The following STK33 variants were observed in gnomAD, a reference collection of about 807,000 sequenced individuals.
STK33 encodes serine/threonine kinase 33, also known as serine/threonine-protein kinase 33.
In STK33, 52 loss-of-function variants were observed where a neutral mutation model predicts 58.0. The observed-to-expected ratio is 0.90, with a 90% CI of 0.72 to 1.13. The LOEUF (loss-of-function observed/expected upper bound fraction) is 1.13, where lower values mean the gene tolerates loss of function less well. Ranked by LOEUF, STK33 falls within the 50% of genes most tolerant of loss-of-function variation. STK33 has a pLI of 0.00. For missense variants in STK33, 630 were observed against 604.2 expected, an observed-to-expected ratio of 1.04 and a Z score of -0.45; for synonymous variants, 215 against 200.1, an observed-to-expected ratio of 1.07 and a Z score of -0.63.
chr11:8,407,963 A>G (rs567559375), intron 15 of STK33, among the ~76,000 whole-genome samples: 6 of 152,326 alleles, frequency 3.9e-5, no homozygotes, highest in South Asian at 4.1e-4. Context: ...CACAATACAT[A>G]TAAGTGAAGA....
At chr11:8,470,636 T>C (rs1223352523) in intron 6 of STK33, among the ~76,000 whole-genome samples, 3 of 152,212 alleles carry the variant, frequency 2.0e-5, no homozygotes, top group Non-Finnish European at 4.4e-5. Context: ...TGGCTTTCGA[T>C]TTAAAGTGAA....
intron 1 of STK33, among the ~76,000 whole-genome samples, chr11:8,508,803 C>T (rs1348062470): frequency 6.6e-6 from 1 of 152,088 alleles, no homozygotes; most frequent in East Asian, 1.9e-4. Context: ...GAATAACCAT[C>T]AAGGTCTCAG....
At chr11:8,358,347 A>G in the STK33 span, among the ~76,000 whole-genome samples, 1 of 152,332 alleles carries the variant, frequency 6.6e-6, no homozygotes, top group South Asian at 2.1e-4. Flanking sequence ...GAAGCTGCAT[A>G]GACTCCCTTA....
intron 12 of STK33, among the ~76,000 whole-genome samples, chr11:8,439,557 C>T (rs1944456010): frequency 6.6e-6 from 1 of 151,764 alleles, no homozygotes; most frequent in African/African-American, 2.4e-5. Context: ...AAATAGAAGG[C>T]CTTAATGTTT....
chr11:8,402,102 A>C (rs1938123390), intron 15 of STK33, among the ~76,000 whole-genome samples: 3 of 152,204 alleles, frequency 2.0e-5, no homozygotes, highest in African/African-American at 4.8e-5. Flanking sequence ...TTGACCCAGC[A>C]ATCCCATTAC....
At position 8,459,815 on chromosome 11, in the gene STK33, A is replaced by T. The variant is rs964945537; in HGVS notation, c.558+1990T>A. ...AGAAATCTCCAGAGATTTGCAGAGG[A>T]TCCCCTCAATTCTTCAGGAGAGCAT... On this transcript the variant is annotated intron_variant, in intron 8 of 15. Transcript: ENST00000687296. Among the ~76,000 whole-genome samples the T allele has an allele frequency of 1.4e-4, 21 of 152,168 alleles. 1 individual carries two copies. Among genetic ancestry groups the T allele is most frequent in the Admixed American group, 3.3e-4 (5 of 15,274 alleles).
chr11:8,474,616 G>T, intron 5 of STK33, 65 bp downstream of exon 5: 1 of 1,178,442 alleles, frequency 8.5e-7, no homozygotes, highest in Non-Finnish European at 1.2e-6. Context: ...TATGGATGAA[G>T]CTAGGAGTAC....
rs138769295 is a variant in STK33, at chr11:8,472,123, T to C, written c.339+1040A>G. On this transcript the variant is annotated intron_variant, in intron 6 of 15. Coordinates refer to ENST00000687296, the MANE Select transcript of STK33 (RefSeq NM_001352389.2). ...TTAAAAATTTTTTTAGAGAAGGAGTTTTGCTATGTTGCCCAGTCTGGTCTC... is the reference window on the plus strand; with the variant it reads ...TTAAAAATTTTTTTAGAGAAGGAGTCTTGCTATGTTGCCCAGTCTGGTCTC... Among the ~76,000 whole-genome samples the C allele has an allele frequency of 2.0e-5, 3 of 152,154 alleles. No individual in the cohort carries two copies. The East Asian group carries it at 5.8e-4, about 29-fold the overall frequency.
chr11:8,413,843 C>T (rs1207734846), intron 14 of STK33, 151 bp from the exon 15 acceptor site: 4 of 698,494 alleles, frequency 5.7e-6, no homozygotes, highest in Non-Finnish European at 9.5e-6. Flanking sequence ...CTGATGACCA[C>T]TGGAGTACAA....
chr11:8,452,058 C>A (rs1946346867), intron 11 of STK33, among the ~76,000 whole-genome samples: 1 of 152,064 alleles, frequency 6.6e-6, no homozygotes, highest in South Asian at 2.1e-4. Context: ...CAAAAATTAG[C>A]CAGGTGTGGT....
At chr11:8,348,325 C>G in the STK33 span, among the ~76,000 whole-genome samples, 1 of 152,136 alleles carries the variant, frequency 6.6e-6, no homozygotes, top group African/African-American at 2.4e-5. Flanking sequence ...GCTGCAGACA[C>G]CTCAGGAGAC....
intron 5 of STK33, among the ~76,000 whole-genome samples, chr11:8,473,900 C>T (rs1289857109): frequency 6.6e-6 from 1 of 152,078 alleles, no homozygotes; most frequent in African/African-American, 2.4e-5. Flanking sequence ...TGGCTGGGCA[C>T]GGTGGCTCAT....
chr11:8,547,115 G>A (rs1955981901), intron 1 of STK33, among the ~76,000 whole-genome samples: 3 of 152,114 alleles, frequency 2.0e-5, no homozygotes, highest in South Asian at 2.1e-4. Context: ...TTTAACTGGG[G>A]CAAAATATCA....
At chr11:8,435,768 C>G (rs1026567575) in intron 13 of STK33, among the ~76,000 whole-genome samples, 189 bp from the exon 14 acceptor site, 7 of 152,048 alleles carry the variant, frequency 4.6e-5, no homozygotes, top group Non-Finnish European at 8.8e-5. Flanking sequence ...CCTGGATTAC[C>G]TAGTTTAATG....
intron 15 of STK33, among the ~76,000 whole-genome samples, chr11:8,405,893 A>G (rs992129031): frequency 6.6e-6 from 1 of 152,208 alleles, no homozygotes; most frequent in Non-Finnish European, 1.5e-5. Context: ...CTGTAATCCC[A>G]GCACTTTGGG....
chr11:8,570,019 A>G (rs936800212), intron 1 of STK33, among the ~76,000 whole-genome samples: 3 of 152,132 alleles, frequency 2.0e-5, no homozygotes, highest in Non-Finnish European at 4.4e-5. Flanking sequence ...AAATATTCAC[A>G]ATACATATAT....
At chr11:8,391,561 T>C (rs938396395), downstream of STK33, among the ~76,000 whole-genome samples, 4 of 151,886 alleles carry the variant, frequency 2.6e-5, no homozygotes, top group Non-Finnish European at 4.4e-5. Flanking sequence ...CCATGGGGGG[T>C]TGGAATGGAA....
intron 1 of STK33, among the ~76,000 whole-genome samples, chr11:8,497,732 G>A (rs1951173466): frequency 1.3e-5 from 2 of 152,192 alleles, no homozygotes; most frequent in Non-Finnish European, 2.9e-5. Flanking sequence ...AAAGTACTGG[G>A]ATTACAGGCA....
intron 8 of STK33, among the ~76,000 whole-genome samples, chr11:8,460,805 T>C (rs1412685661): frequency 6.6e-6 from 1 of 152,152 alleles, no homozygotes; most frequent in African/African-American, 2.4e-5. Flanking sequence ...ATCACAAGTC[T>C]AAGACTGAAA....
Sources: allele counts gnomAD v4.1 joint callset (sites outside exome capture counted in the v4.1 genomes callset), GRCh38; gene constraint gnomAD v4.1.1; transcripts MANE v1.5; gene names NCBI Gene and HGNC (gene_info 2026-07-23, HGNC 2026-07-21).